MAGI2: variants seen among roughly 807,000 people sequenced by gnomAD.
The protein encoded by MAGI2 is membrane-associated guanylate kinase, WW and PDZ domain-containing protein 2.
MAGI2 carries 35 observed loss-of-function variants against 133.3 expected under a neutral mutation model. The ratio of observed to expected loss-of-function variants is 0.26; its 90% CI spans 0.20 to 0.35. The LOEUF is 0.35. MAGI2 is among the 10% of genes least tolerant of loss of function. The probability of loss-of-function intolerance (pLI) is 1.00; values close to 1 mark genes in which losing one functional copy is unlikely to be tolerated. For missense variants in MAGI2, 1,636 were observed against 1,863.4 expected, an observed-to-expected ratio of 0.88 and a Z score of 2.25; for synonymous variants, 729 against 710.6, an observed-to-expected ratio of 1.03 and a Z score of -0.41.
At chr7:78,907,401 C>G (rs1334773219) in intron 2 of MAGI2, among the ~76,000 whole-genome samples, 1 of 152,078 alleles carries the variant, frequency 6.6e-6, no homozygotes, top group African/African-American at 2.4e-5. Flanking sequence ...TTCCCTCAGA[C>G]CATATTATTG....
chr7:79,426,691 T>A (rs1458104202), intron 1 of MAGI2, among the ~76,000 whole-genome samples: 2 of 152,172 alleles, frequency 1.3e-5, no homozygotes, highest in East Asian at 3.9e-4. Flanking sequence ...ATGTCAGAGA[T>A]GAACTTTTTA....
intron 7 of MAGI2, among the ~76,000 whole-genome samples, chr7:78,356,138 G>A (rs549146527): frequency 2.5e-4 from 38 of 152,298 alleles, no homozygotes; most frequent in African/African-American, 9.1e-4. Context: ...GAAGTTGAGG[G>A]TGGGTCATGT....
At chr7:78,635,278 A>T (rs940169240) in intron 2 of MAGI2, among the ~76,000 whole-genome samples, 3 of 152,188 alleles carry the variant, frequency 2.0e-5, no homozygotes, top group South Asian at 2.1e-4. Context: ...ATGAAGGAAC[A>T]TTGCTCTTTT....
intron 20 of MAGI2, among the ~76,000 whole-genome samples, chr7:78,095,760 G>T (rs946123896): frequency 2.0e-5 from 3 of 152,194 alleles, no homozygotes; most frequent in African/African-American, 4.8e-5. Flanking sequence ...CAAGGAGGTG[G>T]CTGGCCTCAC....
At chr7:78,341,127 A>G (rs1420771853) in intron 9 of MAGI2, among the ~76,000 whole-genome samples, 1 of 152,200 alleles carries the variant, frequency 6.6e-6, no homozygotes, top group Non-Finnish European at 1.5e-5. Context: ...GGATACAAAA[A>G]TCAATGTGCA....
At chr7:79,150,822 T>C (rs1823145438) in intron 1 of MAGI2, among the ~76,000 whole-genome samples, 1 of 152,044 alleles carries the variant, frequency 6.6e-6, no homozygotes, top group Admixed American at 6.6e-5. Context: ...AACTAAACCC[T>C]ACTAGATAGT....
rs1165218224 is a variant in MAGI2 at position 79,171,764 on chromosome 7, A to T, written c.302-164558T>A. On this transcript the variant is annotated intron_variant, in intron 1 of 21. Coordinates refer to ENST00000354212, the MANE Select transcript of MAGI2 (RefSeq NM_012301.4). Reference sequence around the variant, plus strand: ...CAAAAATATATATATATATATATATATATATATTTTTTTTTTTTTTTTCTT... The same window carrying T: ...CAAAAATATATATATATATATATATTTATATATTTTTTTTTTTTTTTTCTT... Among the ~76,000 whole-genome samples, 48 of 24,786 alleles carry T rather than the reference A, an allele frequency of 1.9e-3. 2 individuals carry two copies. Among genetic ancestry groups the T allele is most frequent in the South Asian group, 3.4e-3 (4 of 1,192 alleles). 16.3% of individuals were successfully genotyped at this position (24,786 alleles called of 152,430 possible). A position where few individuals can be genotyped will look rare whatever the true frequency, so the allele number is the denominator to read the frequency against.
chr7:78,169,437 C>T (rs1202527925), intron 14 of MAGI2, among the ~76,000 whole-genome samples: 1 of 152,234 alleles, frequency 6.6e-6, no homozygotes, highest in Non-Finnish European at 1.5e-5. Context: ...CTGTGAATTC[C>T]AGCTAATTTG....
At chr7:78,274,517 G>A (rs1402786494) in intron 9 of MAGI2, among the ~76,000 whole-genome samples, 1 of 152,148 alleles carries the variant, frequency 6.6e-6, no homozygotes, top group Non-Finnish European at 1.5e-5. Context: ...GGACGTTTAA[G>A]TCTGCTGAAG....
chr7:78,937,444 T>C (rs1347524819), intron 2 of MAGI2, among the ~76,000 whole-genome samples: 1 of 152,106 alleles, frequency 6.6e-6, no homozygotes, highest in Non-Finnish European at 1.5e-5. Flanking sequence ...ACAAAAATTA[T>C]TTATAGATGC....
intron 20 of MAGI2, among the ~76,000 whole-genome samples, chr7:78,089,836 C>T (rs1385988112): frequency 6.6e-6 from 1 of 152,150 alleles, no homozygotes; most frequent in Non-Finnish European, 1.5e-5. Context: ...AATTATATTT[C>T]AAAGAGCATC....
intron 14 of MAGI2, chr7:78,171,031 A>C (rs1304936917): frequency 6.6e-6 from 1 of 152,150 alleles, no homozygotes; most frequent in Non-Finnish European, 1.5e-5. Flanking sequence ...GACCACTTGC[A>C]CCGTCACTGC....
rs531518912 is a variant in MAGI2, at chr7:78,526,012, C to A, written c.539-4367G>T. On this transcript the variant is annotated intron_variant, in intron 3 of 21. Transcript: ENST00000354212. ...TAGGGTGCTACTTTTGGTATTTATT[C>A]ATCACAATATAGCATGAAGTCATTC... 2.0e-5 allele frequency among the ~76,000 whole-genome samples: 3 copies of A among 152,238 alleles called. No homozygotes were observed. In the South Asian group the frequency reaches 6.2e-4, roughly 32 times the overall value.
intron 1 of MAGI2, among the ~76,000 whole-genome samples, chr7:79,264,857 CACAG>C (rs1303281745): frequency 6.6e-6 from 1 of 150,872 alleles, no homozygotes; most frequent in Non-Finnish European, 1.5e-5. Context: ...ACGAGAGAGA[CACAG>C]AGAGAGAGAG....
intron 20 of MAGI2, among the ~76,000 whole-genome samples, chr7:78,096,551 T>C (rs1012283158): frequency 1.3e-5 from 2 of 152,198 alleles, no homozygotes; most frequent in African/African-American, 4.8e-5. Flanking sequence ...AGAGTTAACA[T>C]TGGAATTAAT....
chr7:79,084,938 G>C (rs916923766), intron 1 of MAGI2, among the ~76,000 whole-genome samples: 2 of 151,662 alleles, frequency 1.3e-5, no homozygotes, highest in Admixed American at 1.3e-4. Flanking sequence ...CTCATCTGTT[G>C]ATGTTATCGA....
Position 78,489,329 on chromosome 7 carries a change from C to T in MAGI2, c.1045+432G>A, listed in dbSNP as rs140191697. Among the ~76,000 whole-genome samples the T allele has an allele frequency of 1.7e-3, 264 of 152,134 alleles. 1 individual carries two copies. The highest frequency in any genetic ancestry group is 6.1e-3 in the African/African-American group (253 of 41,534). On this transcript the variant is annotated intron_variant, in intron 6 of 21. Coordinates refer to ENST00000354212, the MANE Select transcript of MAGI2 (RefSeq NM_012301.4). ...AATGCTTGATTCAAGGAAAGCATGT[C>T]TTTATATTTCTGAGTCCTTAATAAC...
intron 1 of MAGI2, among the ~76,000 whole-genome samples, chr7:79,336,093 G>A (rs1322996501): frequency 6.6e-6 from 1 of 152,022 alleles, no homozygotes; most frequent in Non-Finnish European, 1.5e-5. Flanking sequence ...TGATAATTCA[G>A]AAGGACAAAA....
At chr7:79,220,085 A>G (rs1321790081) in intron 1 of MAGI2, among the ~76,000 whole-genome samples, 1 of 152,014 alleles carries the variant, frequency 6.6e-6, no homozygotes, top group African/African-American at 2.4e-5. Context: ...CCCAATGCTA[A>G]TGGCAGAAAG....
Sources: gnomAD v4.1 joint callset for allele counts (sites outside exome capture counted in the v4.1 genomes callset) on GRCh38, gnomAD v4.1.1 for gene constraint, MANE v1.5 for transcripts, NCBI Gene and HGNC (gene_info 2026-07-23, HGNC 2026-07-21) for gene names.